Variants in CACNB2 observed in about 807,000 individuals in gnomAD.
CACNB2 encodes voltage-dependent L-type calcium channel subunit beta-2.
CACNB2 carries 42 observed loss-of-function variants against 73.3 expected under a neutral mutation model. The observed-to-expected ratio is 0.57, with a 90% confidence interval of 0.45 to 0.74. CACNB2 has a LOEUF of 0.74. CACNB2 is among the 30% of genes least tolerant of loss of function. The probability of loss-of-function intolerance (pLI) is 0.00; values close to 1 mark genes in which losing one functional copy is unlikely to be tolerated. For missense variants in CACNB2, 940 were observed against 853.0 expected, an observed-to-expected ratio of 1.10 and a Z score of -1.27; for synonymous variants, 348 against 310.3, an observed-to-expected ratio of 1.12 and a Z score of -1.28.
chr10:18,201,323 G>T (rs2034871055), intron 2 of CACNB2, among the ~76,000 whole-genome samples: 1 of 147,464 alleles, frequency 6.8e-6, no homozygotes, highest in African/African-American at 2.5e-5. Flanking sequence ...CAGCCAGGCT[G>T]GAGTACAGCG....
chr10:18,246,917 A>G (rs2036883337), intron 2 of CACNB2, among the ~76,000 whole-genome samples: 1 of 152,082 alleles, frequency 6.6e-6, no homozygotes, highest in East Asian at 1.9e-4. Context: ...CAGCCCATCC[A>G]GTTGTTTTAA....
At chr10:18,299,144 A>G (rs1196292706) in intron 2 of CACNB2, among the ~76,000 whole-genome samples, 2 of 152,020 alleles carry the variant, frequency 1.3e-5, no homozygotes, top group African/African-American at 4.8e-5. Context: ...AAAGTTACCA[A>G]GTAAATATTA....
chr10:18,331,064 C>A (rs2040783249), intron 2 of CACNB2, among the ~76,000 whole-genome samples: 1 of 151,798 alleles, frequency 6.6e-6, no homozygotes, highest in Admixed American at 6.6e-5. Flanking sequence ...TGGCCCACTG[C>A]AACTTCCGCC....
In CACNB2 at chr10:18,288,676, T is replaced by TACACACACACACACACACACAC. The variant is rs372916856; in HGVS notation, c.214-113240_214-113219dup. ...AGCAAGATGCAGCAAATGAGATTTA[T>TACACACACACACACACACACAC]ACACACACACACACACACACACACA... is the stretch of plus-strand genomic sequence containing the variant. On this transcript the variant is annotated intron_variant, in intron 2 of 13. Coordinates refer to ENST00000324631, the MANE Select transcript of CACNB2 (RefSeq NM_201596.3). Among the ~76,000 whole-genome samples, 765 of 144,360 alleles carry TACACACACACACACACACACAC rather than the reference T, an allele frequency of 5.3e-3. 2 individuals carry two copies. The highest frequency in any genetic ancestry group is 7.7e-3 in the African/African-American group (296 of 38,326). The allele number at this position is 144,360 out of a possible 152,430, so 94.7% of individuals were successfully genotyped here.
At chr10:18,230,822 G>A (rs117907399) in intron 2 of CACNB2, among the ~76,000 whole-genome samples, 2 of 145,846 alleles carry the variant, frequency 1.4e-5, no homozygotes, top group East Asian at 4.0e-4. Flanking sequence ...CTGACCATAA[G>A]AAGGAGATCA....
At chr10:18,443,315 A>G (rs567679603) in intron 3 of CACNB2, among the ~76,000 whole-genome samples, 54 of 152,032 alleles carry the variant, frequency 3.6e-4, no homozygotes, top group African/African-American at 1.2e-3. Flanking sequence ...CAGTGACAGC[A>G]CACTCATCAG....
intron 2 of CACNB2, among the ~76,000 whole-genome samples, chr10:18,225,246 G>A (rs1370265356): frequency 6.6e-6 from 1 of 152,054 alleles, no homozygotes; most frequent in Non-Finnish European, 1.5e-5. Flanking sequence ...CAGAGGATGG[G>A]GGATGGGGGA....
At chr10:18,152,723 A>AAAC (rs2031681551) in intron 2 of CACNB2, among the ~76,000 whole-genome samples, 2 of 131,508 alleles carry the variant, frequency 1.5e-5, no homozygotes, top group African/African-American at 6.8e-5. Context: ...AAAAAAAAAA[A>AAAC]AAAAAAAAAC....
At chr10:18,321,040 C>T (rs576267892) in intron 2 of CACNB2, among the ~76,000 whole-genome samples, 1 of 152,326 alleles carries the variant, frequency 6.6e-6, no homozygotes, top group South Asian at 2.1e-4. Flanking sequence ...TTATTTCACA[C>T]ACCACAAACT....
At chr10:18,329,609 TAA>T (rs777238957) in intron 2 of CACNB2, among the ~76,000 whole-genome samples, 5 of 152,058 alleles carry the variant, frequency 3.3e-5, no homozygotes, top group Middle Eastern at 3.4e-3. Flanking sequence ...CGATTTGCAC[TAA>T]GTGTGCGTTT....
intron 6 of CACNB2, among the ~76,000 whole-genome samples, chr10:18,512,933 GAGA>G (rs887233128): frequency 3.3e-5 from 5 of 152,124 alleles, no homozygotes; most frequent in African/African-American, 1.2e-4. Flanking sequence ...CGTTGTCACG[GAGA>G]AGAACTGGGC....
At chr10:18,346,088 C>T (rs2041439657) in intron 2 of CACNB2, among the ~76,000 whole-genome samples, 1 of 152,152 alleles carries the variant, frequency 6.6e-6, no homozygotes, top group African/African-American at 2.4e-5. Context: ...GCTCCCCCTC[C>T]AGTGGCCATT....
chr10:18,450,006 A>C (rs117758233), intron 3 of CACNB2, among the ~76,000 whole-genome samples: 4,558 of 152,322 alleles, frequency 0.03, 89 homozygotes, highest in East Asian at 0.099. Context: ...AGGCAGAAAG[A>C]AAGCACTTCA....
chr10:18,265,119 T>A (rs1397566520), intron 2 of CACNB2, among the ~76,000 whole-genome samples: 2 of 151,908 alleles, frequency 1.3e-5, no homozygotes, highest in African/African-American at 4.8e-5. Context: ...AAGCATGTTT[T>A]CATATATTTA....
At chr10:18,386,667 A>G (rs2043249670) in intron 2 of CACNB2, among the ~76,000 whole-genome samples, 1 of 152,030 alleles carries the variant, frequency 6.6e-6, no homozygotes, top group South Asian at 2.1e-4. Context: ...CAGCCTCCCA[A>G]AGTCCTGGGA....
chr10:18,256,467 C>G (rs902837913), intron 2 of CACNB2: 4 of 152,198 alleles, frequency 2.6e-5, no homozygotes, highest in Non-Finnish European at 4.4e-5. Context: ...CAGTTCAATT[C>G]TAAACTCTTT....
At chr10:18,412,903 G>T (rs189257193) in intron 3 of CACNB2, among the ~76,000 whole-genome samples, 5 of 152,300 alleles carry the variant, frequency 3.3e-5, no homozygotes, top group Non-Finnish European at 5.9e-5. Context: ...GCTGTGGTCT[G>T]TGCGTTGTAC....
At chr10:18,340,757 G>C in intron 2 of CACNB2, 4 of 1,522,914 alleles carry the variant, frequency 2.6e-6, no homozygotes, top group Non-Finnish European at 3.5e-6. Flanking sequence ...ACGAACTTTA[G>C]AAAGTCACAC....
intron 1 of CACNB2, chr10:18,141,273 CTCT>C (rs1444589822): frequency 2.1e-5 from 29 of 1,365,666 alleles, no homozygotes; most frequent in Non-Finnish European, 3.1e-6. Flanking sequence ...ACGATGCCGA[CTCT>C]CCTGGCCACG....
Sources: allele counts gnomAD v4.1 joint callset (sites outside exome capture counted in the v4.1 genomes callset), GRCh38; gene constraint gnomAD v4.1.1; transcripts MANE v1.5; gene names NCBI Gene and HGNC (gene_info 2026-07-23, HGNC 2026-07-21).